KDM4B: variants seen among roughly 807,000 people sequenced by gnomAD.
KDM4B encodes lysine demethylase 4B.
KDM4B carries 32 observed loss-of-function variants against 125.2 expected under a neutral mutation model. That is an observed-to-expected ratio of 0.26 (90% CI 0.19 to 0.34). The LOEUF is 0.34. Among genes scored for constraint, KDM4B ranks in the 10% least tolerant of loss-of-function variants. KDM4B has a pLI of 1.00. For synonymous variants in KDM4B, 721 were observed against 677.9 expected, an observed-to-expected ratio of 1.06 and a Z score of -0.99; for missense variants, 1,190 against 1,577.7, an observed-to-expected ratio of 0.75 and a Z score of 4.16.
At chr19:5,055,128 T>C (rs2037355450) in intron 6 of KDM4B, among the ~76,000 whole-genome samples, 1 of 152,218 alleles carries the variant, frequency 6.6e-6, no homozygotes. Context: ...CGTTAAGCAA[T>C]TGCGGCCCGA....
chr19:5,129,043 C>T (rs1244805345), intron 11 of KDM4B, among the ~76,000 whole-genome samples: 1 of 152,178 alleles, frequency 6.6e-6, no homozygotes. Context: ...GGGTGGGGGC[C>T]AGGGCAGTGG....
intron 15 of KDM4B, among the ~76,000 whole-genome samples, chr19:5,136,729 G>A (rs1050805323): frequency 1.2e-4 from 19 of 152,210 alleles, no homozygotes; most frequent in African/African-American, 4.6e-4. Context: ...CTGGCAGAGA[G>A]CCCCTTCCAC....
At chr19:5,083,199 C>T (rs893090009) in intron 9 of KDM4B, among the ~76,000 whole-genome samples, 17 of 152,216 alleles carry the variant, frequency 1.1e-4, no homozygotes, top group African/African-American at 3.9e-4. Flanking sequence ...TCCCCACTCT[C>T]CTAACGCCAC....
chr19:5,082,604 G>T lies in KDM4B; in HGVS notation c.918+100G>T. On this transcript the variant is annotated intron_variant, in intron 9 of 22. Coordinates refer to ENST00000159111, the MANE Select transcript of KDM4B (RefSeq NM_015015.3). The surrounding 1 kb of genome is among the most constrained non-coding windows in gnomAD (Gnocchi z 5.4). ...CCATAGCTGGTCCAGCAGCCGTTTC[G>T]CTCAGCCCAGGGCCTGGGCTCTCAA... 7.4e-7 allele frequency: 1 copy of T among 1,344,512 alleles called. No homozygotes were observed. Among genetic ancestry groups the T allele is most frequent in the East Asian group, 2.4e-5 (1 of 41,396 alleles). The allele number at this position is 1,344,512 out of a possible 1,614,324, so 83.3% of individuals were successfully genotyped here. A position where few individuals can be genotyped will look rare whatever the true frequency, so the allele number is the denominator to read the frequency against.
At chr19:4,987,051 T>G (rs13345821) in intron 1 of KDM4B, among the ~76,000 whole-genome samples, 12,258 of 151,858 alleles carry the variant, frequency 0.081, 584 homozygotes, top group African/African-American at 0.12. Context: ...CTCTGCCTAC[T>G]GGGTTCAAGC....
At chr19:4,994,020 G>GTTTTTTTTTTTTTT (rs55641886) in intron 1 of KDM4B, among the ~76,000 whole-genome samples, 117 of 66,664 alleles carry the variant, frequency 1.8e-3, no homozygotes, top group East Asian at 2.8e-3. Flanking sequence ...TTTTCAGCCT[G>GTTTTTTTTTTTTTT]TTTTTTTTTT....
At chr19:5,137,926 G>A in intron 17 of KDM4B, 36 bp from the exon 18 acceptor site, 1 of 1,548,990 alleles carries the variant, frequency 6.5e-7, no homozygotes, top group Non-Finnish European at 8.8e-7. Context: ...CAGGTCCTCA[G>A]AGGCGCACCT....
chr19:5,008,585 CTTTTTCTTTTTTTT>C (rs1426947766), intron 1 of KDM4B, among the ~76,000 whole-genome samples: 2 of 147,806 alleles, frequency 1.4e-5, no homozygotes, highest in African/African-American at 4.9e-5. Context: ...TCTTCTTTTT[CTTTTTCTTTTTTTT>C]TTTTTTTTTG....
chr19:5,109,787 G>T (rs2039105460), intron 9 of KDM4B, among the ~76,000 whole-genome samples: 1 of 152,248 alleles, frequency 6.6e-6, no homozygotes, highest in Non-Finnish European at 1.5e-5. Flanking sequence ...CCCTCGTGAG[G>T]CCTCCTGAGG....
chr19:5,130,170 G>T (rs190848258), intron 11 of KDM4B, among the ~76,000 whole-genome samples: 1 of 152,200 alleles, frequency 6.6e-6, no homozygotes, highest in Admixed American at 6.5e-5. Flanking sequence ...AGGACATCGG[G>T]CCTCTTGGAT....
chr19:5,105,239 C>T (rs543805693), intron 9 of KDM4B, among the ~76,000 whole-genome samples: 28 of 152,348 alleles, frequency 1.8e-4, no homozygotes, highest in South Asian at 4.1e-4. Context: ...GTCAGAGGCC[C>T]GGAAGCCGGT....
chr19:5,006,410 C>T (rs954247455), intron 1 of KDM4B, among the ~76,000 whole-genome samples: 15 of 152,146 alleles, frequency 9.9e-5, no homozygotes, highest in African/African-American at 1.9e-4. Context: ...CTTTCTGACT[C>T]GTGTTGCCAC....
At chr19:5,026,413 G>A (rs990109813) in intron 2 of KDM4B, among the ~76,000 whole-genome samples, 7 of 152,144 alleles carry the variant, frequency 4.6e-5, no homozygotes, top group Non-Finnish European at 8.8e-5. Context: ...AAACTCCTGA[G>A]CTCAATCGAG....
chr19:5,084,603 T>TTA (rs945647222), intron 9 of KDM4B, among the ~76,000 whole-genome samples: 3 of 143,570 alleles, frequency 2.1e-5, no homozygotes, highest in African/African-American at 7.6e-5. Context: ...ATTATATAAA[T>TTA]TATATATATA....
At chr19:5,110,155 C>T (rs2039112493) in intron 9 of KDM4B, among the ~76,000 whole-genome samples, 1 of 152,152 alleles carries the variant, frequency 6.6e-6, no homozygotes, top group African/African-American at 2.4e-5. Flanking sequence ...TGGGGGATGC[C>T]GTTTCCTGAC....
intron 2 of KDM4B, among the ~76,000 whole-genome samples, chr19:5,027,659 G>C (rs1343647405): frequency 1.3e-5 from 2 of 150,414 alleles, no homozygotes; most frequent in Non-Finnish European, 2.9e-5. Flanking sequence ...TCTTGCCTCA[G>C]CCTCCTGAGT....
chr19:5,054,123 C>T (rs2037319497), intron 6 of KDM4B, among the ~76,000 whole-genome samples: 1 of 152,218 alleles, frequency 6.6e-6, no homozygotes, highest in Admixed American at 6.5e-5. Flanking sequence ...CTTGCTCTGT[C>T]ATCCAGGCTG....
chr19:5,034,807 C>G (rs1251031295), intron 3 of KDM4B, among the ~76,000 whole-genome samples: 1 of 152,220 alleles, frequency 6.6e-6, no homozygotes, highest in Non-Finnish European at 1.5e-5. Flanking sequence ...ATCTTTTCTT[C>G]CCCTCCAAGA....
chr19:5,132,230 T>C (rs2039570911), intron 13 of KDM4B, among the ~76,000 whole-genome samples: 1 of 152,194 alleles, frequency 6.6e-6, no homozygotes, highest in Admixed American at 6.5e-5. Flanking sequence ...TCTGCTCTGC[T>C]GGCTGGGCTG....
Sources: allele counts gnomAD v4.1 joint callset (sites outside exome capture counted in the v4.1 genomes callset), GRCh38; gene constraint gnomAD v4.1.1; non-coding constraint Gnocchi (gnomAD v3.1); transcripts MANE v1.5; gene names NCBI Gene and HGNC (gene_info 2026-07-23, HGNC 2026-07-21).